Variants in HHAT observed in about 807,000 individuals in gnomAD.
HHAT encodes the protein hedgehog acyltransferase.
Under a neutral mutation model 70.8 loss-of-function variants are expected in HHAT, and 47 were observed. The observed-to-expected ratio is 0.66, with a 90% confidence interval of 0.53 to 0.85. HHAT has a LOEUF of 0.85. Among genes scored for constraint, HHAT ranks in the 40% least tolerant of loss-of-function variants. HHAT has a pLI of 0.00. For synonymous variants in HHAT, 228 were observed against 247.6 expected, an observed-to-expected ratio of 0.92 and a Z score of 0.74; for missense variants, 609 against 604.8, an observed-to-expected ratio of 1.01 and a Z score of -0.07.
intron 9 of HHAT, among the ~76,000 whole-genome samples, chr1:210,564,881 A>G (rs1654283163): frequency 6.6e-6 from 1 of 152,158 alleles, no homozygotes; most frequent in Non-Finnish European, 1.5e-5. Context: ...GGGGTCACTT[A>G]GAGACTGTGT....
intron 3 of HHAT, among the ~76,000 whole-genome samples, chr1:210,368,117 A>C (rs2089189117): frequency 6.6e-6 from 1 of 152,166 alleles, no homozygotes; most frequent in African/African-American, 2.4e-5. Flanking sequence ...GTTTCTAGAC[A>C]GTAGCATCTG....
rs144319730 is a variant in HHAT at position 210,535,431 on chromosome 1, T to TTGTGTG, written c.1043+22262_1043+22267dup. On this transcript the variant is annotated intron_variant, in intron 9 of 11. Coordinates refer to ENST00000261458, the MANE Select transcript of HHAT (RefSeq NM_018194.6). ...AAGGGGACTGGGAAACATTGTGTGT[T>TTGTGTG]TGTGTGTGTGTGTGTGTGTGTGTGG... Among the ~76,000 whole-genome samples, 104 of 149,864 alleles carry TTGTGTG rather than the reference T, an allele frequency of 6.9e-4. 1 individual carries two copies. The highest frequency in any genetic ancestry group is 5.7e-3 in the South Asian group (27 of 4,698).
Position 210,464,631 on chromosome 1 carries a change from T to C in HHAT, c.983T>C (p.Met328Thr). The change falls in exon 8 of 12, where the codon ATG (methionine) becomes ACG (threonine). Residue 328 changes from methionine (M) to threonine (T), a missense_variant. Physicochemically the swap from Met to Thr is moderately conservative, Grantham distance 81. Transcript: ENST00000261458. ...GCCCTCCCCCGCTGCGTGAGCACCA[T>C]GTTCAGTTTCACCGGGATGTGGAGG... ...PPALPRCVST[M>T]FSFTGMWRYF... 3 of 1,614,110 alleles carry C rather than the reference T, an allele frequency of 1.9e-6. No individual in the cohort carries two copies. The highest frequency in any genetic ancestry group is 1.1e-5 in the South Asian group (1 of 91,082).
intron 10 of HHAT, among the ~76,000 whole-genome samples, chr1:210,593,522 G>A (rs764554892): frequency 6.6e-6 from 1 of 152,042 alleles, no homozygotes; most frequent in Non-Finnish European, 1.5e-5. Context: ...TTATTCCATT[G>A]TTCAGAGAAG....
At chr1:210,496,009 T>TGAAAAAA (rs1558023804) in intron 8 of HHAT, among the ~76,000 whole-genome samples, 1 of 14,960 alleles carries the variant, frequency 6.7e-5, no homozygotes, top group African/African-American at 3.2e-4. Context: ...AAACTCTATC[T>TGAAAAAA]CAAAAAAAAA....
At chr1:210,435,892 T>C (rs2093364083) in intron 7 of HHAT, among the ~76,000 whole-genome samples, 1 of 151,854 alleles carries the variant, frequency 6.6e-6, no homozygotes, top group South Asian at 2.1e-4. Flanking sequence ...TCTGTAAATA[T>C]TTTCTCCCAT....
At chr1:210,475,057 C>T (rs76584754) in intron 8 of HHAT, among the ~76,000 whole-genome samples, 13,197 of 151,428 alleles carry the variant, frequency 0.087, 649 homozygotes, top group Middle Eastern at 0.1. Context: ...GATGAGGTCT[C>T]GCTATGCTGC....
chr1:210,469,937 C>A (rs973297794), intron 8 of HHAT, among the ~76,000 whole-genome samples: 1 of 152,130 alleles, frequency 6.6e-6, no homozygotes, highest in Non-Finnish European at 1.5e-5. Flanking sequence ...AACCCGACTT[C>A]TAGGTTTTAA....
At chr1:210,502,424 T>G (rs192549884) in intron 8 of HHAT, among the ~76,000 whole-genome samples, 3 of 147,508 alleles carry the variant, frequency 2.0e-5, no homozygotes, top group Admixed American at 2.0e-4. Context: ...CCAGAAATTA[T>G]AAGCATAATC....
At chr1:210,530,619 A>T (rs1171594612) in intron 9 of HHAT, among the ~76,000 whole-genome samples, 1 of 152,130 alleles carries the variant, frequency 6.6e-6, no homozygotes, top group African/African-American at 2.4e-5. Context: ...GCCGGGAGAG[A>T]TGGAGAAAAG....
At chr1:210,583,316 C>T (rs1298388168) in intron 9 of HHAT, among the ~76,000 whole-genome samples, 4 of 152,132 alleles carry the variant, frequency 2.6e-5, no homozygotes, top group East Asian at 1.9e-4. Flanking sequence ...CACGCGAAGC[C>T]GGCCAGGCAG....
intron 10 of HHAT, among the ~76,000 whole-genome samples, chr1:210,621,232 A>G (rs780838585): frequency 1.3e-5 from 2 of 152,096 alleles, no homozygotes; most frequent in East Asian, 1.9e-4. Flanking sequence ...TTAACAAGCT[A>G]TGTGCACTCT....
chr1:210,537,452 ACCAATGTGGAGACT>A lies in HHAT; in HGVS notation c.1043+24270_1043+24283del, dbSNP rs1191474788. Among the ~76,000 whole-genome samples, 9 of 152,150 alleles carry A rather than the reference ACCAATGTGGAGACT, an allele frequency of 5.9e-5. No individual in the cohort carries two copies. The East Asian group carries it at 1.5e-3, about 26-fold the overall frequency. ...ACTTCATAGACACCCCCCTTTCCAC[ACCAATGTGGAGACT>A]CCAATAATAATAAAATGAGTAGACA... On this transcript the variant is annotated intron_variant, in intron 9 of 11. Coordinates refer to ENST00000261458, the MANE Select transcript of HHAT (RefSeq NM_018194.6).
At chr1:210,572,032 C>G (rs559743379) in intron 9 of HHAT, among the ~76,000 whole-genome samples, 1 of 152,304 alleles carries the variant, frequency 6.6e-6, no homozygotes, top group Admixed American at 6.5e-5. Context: ...CCCATTGTTT[C>G]CTGAGCGTGG....
intron 10 of HHAT, among the ~76,000 whole-genome samples, chr1:210,617,821 T>C (rs1326703407): frequency 6.6e-6 from 1 of 152,238 alleles, no homozygotes; most frequent in African/African-American, 2.4e-5. Flanking sequence ...ATAACTGCAT[T>C]GACCTGATGT....
chr1:210,631,277 C>T (rs981403449), intron 11 of HHAT: 14 of 367,726 alleles, frequency 3.8e-5, no homozygotes, highest in Non-Finnish European at 7.0e-5. Context: ...ATGAACCATC[C>T]CTGGGTGTCA....
chr1:210,664,074 T>TC (rs2148967109), intron 11 of HHAT, among the ~76,000 whole-genome samples: 1 of 152,290 alleles, frequency 6.6e-6, no homozygotes, highest in South Asian at 2.1e-4. Context: ...CTTCTGTCCA[T>TC]CTCCCCCACG....
chr1:210,536,696 C>G (rs982382889), intron 9 of HHAT, among the ~76,000 whole-genome samples: 1 of 152,198 alleles, frequency 6.6e-6, no homozygotes, highest in African/African-American at 2.4e-5. Flanking sequence ...GGGGCAGTAG[C>G]AAAGACACCC....
At chr1:210,358,948 G>C (rs926221936) in intron 2 of HHAT, among the ~76,000 whole-genome samples, 1 of 152,204 alleles carries the variant, frequency 6.6e-6, no homozygotes, top group Admixed American at 6.5e-5. Flanking sequence ...TCAGTAGGTA[G>C]GATGGAGCTT....
Sources: gnomAD v4.1 joint callset for allele counts (sites outside exome capture counted in the v4.1 genomes callset) on GRCh38, gnomAD v4.1.1 for gene constraint, MANE v1.5 for transcripts, NCBI Gene and HGNC (gene_info 2026-07-23, HGNC 2026-07-21) for gene names.